The following PCDH15 variants were observed in gnomAD, a reference collection of about 807,000 sequenced individuals.
The protein encoded by PCDH15 is protocadherin related 15, also known as protocadherin-15.
A neutral mutation model predicts 178.5 loss-of-function variants in PCDH15; 129 were observed. The ratio of observed to expected loss-of-function variants is 0.72; its 90% CI spans 0.63 to 0.84. The LOEUF is 0.84. PCDH15 is among the 40% of genes least tolerant of loss of function. PCDH15 has a pLI of 0.00. For synonymous variants in PCDH15, 800 were observed against 732.0 expected (o/e 1.09, Z -1.50); for missense variants, 2,230 against 2,099.9 (o/e 1.06, Z -1.21).
intron 2 of PCDH15, among the ~76,000 whole-genome samples, chr10:55,328,867 A>G (rs1458620084): frequency 1.4e-5 from 2 of 146,694 alleles, no homozygotes; most frequent in African/African-American, 5.0e-5. Context: ...AAATTTTGGT[A>G]TCAACCCCAC....
chr10:53,992,431 C>A (rs1270165042), intron 21 of PCDH15, among the ~76,000 whole-genome samples: 1 of 152,118 alleles, frequency 6.6e-6, no homozygotes, highest in East Asian at 1.9e-4. Context: ...AAACAAGAAC[C>A]TTATAAATTC....
chr10:54,973,296 A>G (rs1186466124), intron 2 of PCDH15, among the ~76,000 whole-genome samples: 4 of 152,216 alleles, frequency 2.6e-5, no homozygotes, highest in African/African-American at 7.2e-5. Flanking sequence ...AATGTGGGTT[A>G]TATTTATAGA....
chr10:54,756,056 A>AACACACACACACACAC (rs71014414), intron 1 of PCDH15, among the ~76,000 whole-genome samples: 1,587 of 71,490 alleles, frequency 0.022, 10 homozygotes, highest in Middle Eastern at 0.035. Context: ...CTCTACTAAA[A>AACACACACACACACAC]ACACACACAC....
intron 2 of PCDH15, among the ~76,000 whole-genome samples, chr10:55,132,127 C>T (rs1249590895): frequency 6.6e-6 from 1 of 152,152 alleles, no homozygotes; most frequent in Non-Finnish European, 1.5e-5. Context: ...GTAGCCCCAG[C>T]CGTGCCTCCC....
At chr10:55,416,907 A>G (rs1041953775) in intron 2 of PCDH15, among the ~76,000 whole-genome samples, 1 of 151,774 alleles carries the variant, frequency 6.6e-6, no homozygotes, top group Non-Finnish European at 1.5e-5. Flanking sequence ...TTGGATAAAT[A>G]AAAAGAGGCT....
At chr10:54,174,787 C>G (rs112763028) in intron 13 of PCDH15, among the ~76,000 whole-genome samples, 20 of 141,520 alleles carry the variant, frequency 1.4e-4, no homozygotes, top group African/African-American at 5.2e-4. Context: ...CTCACTGCAA[C>G]CTCCAAGAGA....
At chr10:55,464,831 A>G (rs140007663) in intron 2 of PCDH15, among the ~76,000 whole-genome samples, 1 of 150,294 alleles carries the variant, frequency 6.7e-6, no homozygotes, top group Non-Finnish European at 1.5e-5. Context: ...TTTTAACCCT[A>G]CTTGTGCCCA....
intron 1 of PCDH15, among the ~76,000 whole-genome samples, chr10:54,734,467 T>C (rs1943816214): frequency 6.6e-6 from 1 of 151,822 alleles, no homozygotes; most frequent in South Asian, 2.1e-4. Context: ...AAATGCAAGA[T>C]AAGACAACAA....
chr10:54,730,952 A>G (rs1435331494), intron 1 of PCDH15, among the ~76,000 whole-genome samples: 2 of 151,608 alleles, frequency 1.3e-5, no homozygotes, highest in South Asian at 2.1e-4. Flanking sequence ...AGAAAAGAAA[A>G]CAATCTAGAA....
chr10:54,290,872 T>C (rs534883965), intron 8 of PCDH15, among the ~76,000 whole-genome samples: 1 of 152,188 alleles, frequency 6.6e-6, no homozygotes, highest in Non-Finnish European at 1.5e-5. Context: ...ATGCACCTAA[T>C]ACAGGAACAC....
chr10:55,309,695 C>T (rs1843529824), intron 1 of PCDH15, among the ~76,000 whole-genome samples: 1 of 152,138 alleles, frequency 6.6e-6, no homozygotes, highest in Non-Finnish European at 1.5e-5. Context: ...AGTGGGAAAT[C>T]TATTGATTAA....
chr10:55,522,000 T>C (rs1207436536), intron 2 of PCDH15, among the ~76,000 whole-genome samples: 1 of 151,904 alleles, frequency 6.6e-6, no homozygotes, highest in African/African-American at 2.4e-5. Flanking sequence ...ATTGAATTCA[T>C]ATCATGGTAA....
chr10:54,216,880 T>C (rs931247119), intron 9 of PCDH15, among the ~76,000 whole-genome samples: 3 of 152,330 alleles, frequency 2.0e-5, no homozygotes, highest in African/African-American at 7.2e-5. Context: ...TGATACATCC[T>C]AAAGCAGATG....
chr10:54,484,236 C>T (rs1456067144), intron 3 of PCDH15, among the ~76,000 whole-genome samples: 1 of 151,848 alleles, frequency 6.6e-6, no homozygotes, highest in Admixed American at 6.6e-5. Flanking sequence ...TAATAAGTGG[C>T]ATTTTTGCAA....
At chr10:55,471,684 A>G (rs1316483346) in intron 2 of PCDH15, among the ~76,000 whole-genome samples, 1 of 152,176 alleles carries the variant, frequency 6.6e-6, no homozygotes, top group African/African-American at 2.4e-5. Context: ...ACACAGGAAA[A>G]CAGATTATTT....
intron 2 of PCDH15, among the ~76,000 whole-genome samples, chr10:54,927,259 T>A (rs1233622534): frequency 6.6e-6 from 1 of 152,114 alleles, no homozygotes; most frequent in African/African-American, 2.4e-5. Flanking sequence ...GAAATATCTT[T>A]GTCTTGATTT....
intron 25 of PCDH15, among the ~76,000 whole-genome samples, chr10:53,913,245 A>G (rs956167702): frequency 1.3e-5 from 2 of 152,190 alleles, no homozygotes; most frequent in Non-Finnish European, 2.9e-5. Flanking sequence ...CATATGTAGA[A>G]AGCTGAAACT....
chr10:53,817,493 T>G (rs905197123), intron 34 of PCDH15, among the ~76,000 whole-genome samples: 3 of 150,110 alleles, frequency 2.0e-5, no homozygotes, highest in Admixed American at 2.0e-4. Context: ...TATATATATA[T>G]TCTTTGTTTT....
chr10:55,627,694 C>G (rs1837560705), exon 2 of PCDH15: 1 of 152,150 alleles, frequency 6.6e-6, no homozygotes, highest in Non-Finnish European at 1.5e-5. Flanking sequence ...ACGTAGGGAT[C>G]CCGAGCAGCC....
Sources: allele counts gnomAD v4.1 joint callset (sites outside exome capture counted in the v4.1 genomes callset), GRCh38; gene constraint gnomAD v4.1.1; transcripts MANE v1.5; gene names NCBI Gene and HGNC (gene_info 2026-07-23, HGNC 2026-07-21).